Variants in CFAP61 observed in about 807,000 individuals in gnomAD.
CFAP61 encodes cilia- and flagella-associated protein 61.
A neutral mutation model predicts 135.6 loss-of-function variants in CFAP61; 107 were observed. That is an observed-to-expected ratio of 0.79 (90% CI 0.67 to 0.93). CFAP61 has a LOEUF of 0.93. Ranked by LOEUF, CFAP61 falls within the 40% of genes least tolerant of loss-of-function variation. The pLI, the probability that CFAP61 is intolerant of heterozygous loss-of-function variation, is 0.00. For synonymous variants in CFAP61, 575 were observed against 578.5 expected, an observed-to-expected ratio of 0.99 and a Z score of 0.09; for missense variants, 1,507 against 1,556.2, an observed-to-expected ratio of 0.97 and a Z score of 0.53.
At chr20:20,326,889 G>A (rs1193591792) in intron 25 of CFAP61, among the ~76,000 whole-genome samples, 1 of 152,002 alleles carries the variant, frequency 6.6e-6, no homozygotes, top group African/African-American at 2.4e-5. Flanking sequence ...GGTTAATTTG[G>A]GGTACATTTA....
Position 20,288,611 on chromosome 20 carries a change from G to A in CFAP61, c.2799G>A (p.Met933Ile), listed in dbSNP as rs2054768568. Residue 933 changes from methionine to isoleucine, a missense_variant and splice_region_variant, in exon 23 of 27, where the codon ATG becomes ATA. Met to Ile is a conservative substitution (Grantham distance 10, BLOSUM62 1). Transcript: ENST00000245957. ...PTKPFRLQCS[M>I]FFSFCEKNVD... ...TGCTGTAATTGTTCACTTCGTAGAT[G>A]TTCTTCAGCTTCTGTGAGAAGAATG... 1 of 1,610,188 alleles carries A rather than the reference G, an allele frequency of 6.2e-7. No individual in the cohort carries two copies. The highest frequency in any genetic ancestry group is 1.3e-5 in the African/African-American group (1 of 74,856).
rs6106186 is a variant in CFAP61 at position 20,076,651 on chromosome 20, T to C, written c.566+1036T>C. 3.2e-3 allele frequency among the ~76,000 whole-genome samples: 481 copies of C among 152,334 alleles called. 1 individual carries two copies. Among genetic ancestry groups the C allele is most frequent in the African/African-American group, 0.011 (442 of 41,580 alleles). On this transcript the variant is annotated intron_variant, in intron 6 of 26. Coordinates refer to ENST00000245957, the MANE Select transcript of CFAP61 (RefSeq NM_015585.4). ...ATCAGTGAAGAATAAATTGTATCTT[T>C]TGGGATCAGCCATTGCTGTGTTTGA...
chr20:20,326,492 T>C (rs1170251379), intron 25 of CFAP61, among the ~76,000 whole-genome samples: 1 of 152,198 alleles, frequency 6.6e-6, no homozygotes, highest in Non-Finnish European at 1.5e-5. Flanking sequence ...ACATCTTTAA[T>C]TCATCTGGAA....
Position 20,164,115 on chromosome 20 carries a change from C to A in CFAP61, c.1092C>A (p.Ser364Arg). 1 of 1,613,954 alleles carries A rather than the reference C, an allele frequency of 6.2e-7. No homozygotes were observed. Among genetic ancestry groups the A allele is most frequent in the Non-Finnish European group, 8.5e-7 (1 of 1,179,876 alleles). ...AGTATCACCATGTCAGCAGTAGGAG[C>A]TTGGCATCGCTCGTACTGCCTGAAG... The part of the protein sequence containing the change: ...YAQYHHVSSR[S>R]LASLVLPEEP... Residue 364 changes from serine to arginine, a missense_variant, in exon 11 of 27, where the codon AGC (serine) becomes AGA (arginine). By Grantham distance (110) the Ser-to-Arg change is moderately radical. Transcript: ENST00000245957.
chr20:20,260,891 T>C (rs1316545260), intron 20 of CFAP61, among the ~76,000 whole-genome samples: 1 of 152,236 alleles, frequency 6.6e-6, no homozygotes, highest in Non-Finnish European at 1.5e-5. Context: ...CAGTGAGGTT[T>C]CAAAAGCCCG....
At chr20:20,263,208 C>A in intron 21 of CFAP61, 78 bp downstream of exon 21, 1 of 1,076,882 alleles carries the variant, frequency 9.3e-7, no homozygotes. Flanking sequence ...CATCTAGTTC[C>A]AGTATATAAT....
chr20:20,303,672 C>G (rs572292435), intron 25 of CFAP61, among the ~76,000 whole-genome samples: 1 of 152,030 alleles, frequency 6.6e-6, no homozygotes, highest in Non-Finnish European at 1.5e-5. Context: ...TGATTTTGGC[C>G]GCGATATGAT....
At chr20:20,333,550 T>C (rs1030349787) in intron 25 of CFAP61, among the ~76,000 whole-genome samples, 2 of 152,198 alleles carry the variant, frequency 1.3e-5, no homozygotes, top group African/African-American at 4.8e-5. Context: ...GATCACCAAC[T>C]CAGCCCATAT....
At chr20:20,075,114 A>T in intron 4 of CFAP61, 75 bp from the exon 5 acceptor site, 1 of 1,370,168 alleles carries the variant, frequency 7.3e-7, no homozygotes, top group Non-Finnish European at 1.0e-6. Context: ...TAGTGACAGC[A>T]TTTGTCTTCA....
At chr20:20,188,455 G>A (rs2055672056) in intron 14 of CFAP61, among the ~76,000 whole-genome samples, 1 of 152,126 alleles carries the variant, frequency 6.6e-6, no homozygotes, top group Admixed American at 6.5e-5. Flanking sequence ...CAGATTGAGG[G>A]TAGTGGGACC....
intron 8 of CFAP61, among the ~76,000 whole-genome samples, chr20:20,115,441 T>A (rs2049072982): frequency 6.6e-6 from 1 of 152,040 alleles, no homozygotes; most frequent in Admixed American, 6.6e-5. Flanking sequence ...GCTGGAAACA[T>A]TGAAATTATT....
chr20:20,114,995 T>C (rs952920110), intron 8 of CFAP61, among the ~76,000 whole-genome samples: 1 of 152,234 alleles, frequency 6.6e-6, no homozygotes, highest in Non-Finnish European at 1.5e-5. Flanking sequence ...ATCATATGAT[T>C]CTTCTCTATT....
At chr20:20,322,799 T>C (rs1301194579) in intron 25 of CFAP61, 2 of 985,298 alleles carry the variant, frequency 2.0e-6, no homozygotes, top group African/African-American at 1.7e-5. Context: ...TTTGCTATCA[T>C]GTTATTAATA....
chr20:20,319,166 T>A (rs909440151), intron 25 of CFAP61, among the ~76,000 whole-genome samples: 2 of 152,216 alleles, frequency 1.3e-5, no homozygotes, highest in African/African-American at 4.8e-5. Context: ...TAATACATAG[T>A]TCTGCATTGC....
chr20:20,157,811 A>T (rs764861169), intron 9 of CFAP61, among the ~76,000 whole-genome samples: 5 of 152,224 alleles, frequency 3.3e-5, no homozygotes, highest in Non-Finnish European at 7.3e-5. Context: ...TTTGAAAAGT[A>T]CTTTAAGAGA....
intron 26 of CFAP61, among the ~76,000 whole-genome samples, chr20:20,342,689 C>T (rs1480229505): frequency 3.9e-5 from 6 of 152,156 alleles, no homozygotes. Flanking sequence ...GGAGCCCCCA[C>T]GCGCCTTATT....
chr20:20,066,140 T>G (rs1294893080), intron 2 of CFAP61, among the ~76,000 whole-genome samples: 1 of 152,138 alleles, frequency 6.6e-6, no homozygotes, highest in Non-Finnish European at 1.5e-5. Flanking sequence ...CCATCTCATG[T>G]CAGTCAGAAT....
chr20:20,315,941 C>T (rs1200818244), intron 25 of CFAP61, among the ~76,000 whole-genome samples: 1 of 152,100 alleles, frequency 6.6e-6, no homozygotes, highest in African/African-American at 2.4e-5. Flanking sequence ...GTTACTGTAG[C>T]CTTGTAGTAT....
At chr20:20,264,917 G>T (rs2052581240) in intron 21 of CFAP61, among the ~76,000 whole-genome samples, 1 of 152,100 alleles carries the variant, frequency 6.6e-6, no homozygotes, top group Non-Finnish European at 1.5e-5. Context: ...TTTAGACTTT[G>T]CAGGCCATAT....
Sources: allele counts gnomAD v4.1 joint callset (sites outside exome capture counted in the v4.1 genomes callset), GRCh38; gene constraint gnomAD v4.1.1; transcripts MANE v1.5; gene names NCBI Gene and HGNC (gene_info 2026-07-23, HGNC 2026-07-21).